Variants in DLG2 observed in about 807,000 individuals in gnomAD.
DLG2 encodes discs large MAGUK scaffold protein 2, also known as disks large homolog 2.
Under a neutral mutation model 132.5 loss-of-function variants are expected in DLG2, and 45 were observed. That is an observed-to-expected ratio of 0.34 (90% CI 0.27 to 0.44). The LOEUF is 0.44. DLG2 is among the 20% of genes least tolerant of loss of function. The pLI, the probability that DLG2 is intolerant of heterozygous loss-of-function variation, is 1.00. For synonymous variants in DLG2, 424 were observed against 419.6 expected (o/e 1.01, Z -0.13); for missense variants, 1,045 against 1,196.9 (o/e 0.87, Z 1.87).
intron 14 of DLG2, among the ~76,000 whole-genome samples, chr11:83,940,982 T>A (rs1190399698): frequency 6.6e-6 from 1 of 152,258 alleles, no homozygotes; most frequent in Non-Finnish European, 1.5e-5. Context: ...TCTCTTGTCA[T>A]GTCTGTGGAT....
intron 2 of DLG2, among the ~76,000 whole-genome samples, chr11:85,612,400 A>C (rs1411331359): frequency 6.6e-6 from 1 of 152,234 alleles, no homozygotes; most frequent in Admixed American, 6.5e-5. Flanking sequence ...GGAAACAAAG[A>C]CACAATGGAT....
intron 8 of DLG2, among the ~76,000 whole-genome samples, chr11:84,228,025 T>A (rs566105243): frequency 2.6e-5 from 4 of 152,160 alleles, no homozygotes; most frequent in Non-Finnish European, 5.9e-5. Flanking sequence ...TATCTGATTA[T>A]CTGGTGTTAG....
At chr11:84,262,534 C>CT (rs932091102) in intron 7 of DLG2, among the ~76,000 whole-genome samples, 3 of 151,986 alleles carry the variant, frequency 2.0e-5, no homozygotes, top group African/African-American at 7.3e-5. Context: ...CCATAATCAT[C>CT]TTTTTTTTCA....
intron 18 of DLG2, among the ~76,000 whole-genome samples, chr11:83,722,558 C>A (rs1372664174): frequency 1.3e-5 from 2 of 152,060 alleles, no homozygotes; most frequent in East Asian, 3.9e-4. Flanking sequence ...CCTCCAGAGG[C>A]GGGGTGGGGA....
At chr11:84,580,206 G>C (rs1305901763) in intron 6 of DLG2, among the ~76,000 whole-genome samples, 1 of 152,170 alleles carries the variant, frequency 6.6e-6, no homozygotes, top group Non-Finnish European at 1.5e-5. Context: ...GTAATATGCT[G>C]TGGGTTTCAT....
chr11:85,432,639 C>A (rs766621140), intron 3 of DLG2, among the ~76,000 whole-genome samples: 1 of 151,842 alleles, frequency 6.6e-6, no homozygotes, highest in Admixed American at 6.6e-5. Context: ...TGAAAATGAA[C>A]AAACCAAACC....
intron 6 of DLG2, among the ~76,000 whole-genome samples, chr11:84,700,547 A>G (rs1424167214): frequency 1.3e-5 from 2 of 151,682 alleles, no homozygotes; most frequent in East Asian, 1.9e-4. Context: ...ATTCAAACAT[A>G]ACATCAAGAA....
chr11:85,440,850 G>A lies in DLG2; in HGVS notation c.41-155485C>T, dbSNP rs770200179. On this transcript the variant is annotated intron_variant, in intron 3 of 27. Coordinates refer to ENST00000376104, the MANE Select transcript of DLG2 (RefSeq NM_001142699.3). ...GGTGTTATAAATTCCATGAAACATG[G>A]GGCCTAGGCAACCCTATGAAGTAGA... Among the ~76,000 whole-genome samples, 3 of 152,054 alleles carry A rather than the reference G, an allele frequency of 2.0e-5. No individual in the cohort carries two copies. The South Asian group carries it at 6.2e-4, about 32-fold the overall frequency.
intron 7 of DLG2, among the ~76,000 whole-genome samples, chr11:84,352,783 G>A (rs972662204): frequency 6.6e-6 from 1 of 152,166 alleles, no homozygotes; most frequent in African/African-American, 2.4e-5. Context: ...CAGACAATGT[G>A]GAACTTTATG....
intron 3 of DLG2, among the ~76,000 whole-genome samples, chr11:85,412,760 C>CACACACACATATATATAT (rs756868795): frequency 6.2e-5 from 7 of 113,270 alleles, no homozygotes; most frequent in African/African-American, 2.6e-4. Flanking sequence ...CACACACACA[C>CACACACACATATATATAT]ATATATATAT....
intron 2 of DLG2, among the ~76,000 whole-genome samples, chr11:85,605,880 G>A (rs1343440969): frequency 6.6e-6 from 1 of 152,116 alleles, no homozygotes; most frequent in Non-Finnish European, 1.5e-5. Context: ...TTGGGAGGCT[G>A]AGGCAGGAAA....
intron 6 of DLG2, among the ~76,000 whole-genome samples, chr11:84,756,033 G>T (rs2066834721): frequency 6.6e-6 from 1 of 152,120 alleles, no homozygotes; most frequent in Non-Finnish European, 1.5e-5. Flanking sequence ...AGGAAACATG[G>T]TGGTCAAGGT....
intron 8 of DLG2, among the ~76,000 whole-genome samples, chr11:84,241,586 G>A (rs1444282996): frequency 6.6e-6 from 1 of 151,680 alleles, no homozygotes. Flanking sequence ...AAGGTCCCAA[G>A]TGATTCAAAA....
intron 6 of DLG2, among the ~76,000 whole-genome samples, chr11:84,960,438 A>G (rs1442803527): frequency 1.3e-5 from 2 of 149,126 alleles, no homozygotes; most frequent in Non-Finnish European, 3.0e-5. Flanking sequence ...AATTCTTTTA[A>G]CTTTTTTTTT....
rs577990426 is a variant in DLG2, at chr11:83,870,687, C to T, written c.1565+3733G>A. Among the ~76,000 whole-genome samples, 5 of 152,224 alleles carry T rather than the reference C, an allele frequency of 3.3e-5. No individual in the cohort carries two copies. In the South Asian group the frequency reaches 1.0e-3, roughly 32 times the overall value. ...TGATTCAATTTTTTCTGAGAAGAAG[C>T]TTCTTTTTTTTGGTATTCAGCGGTG... On this transcript the variant is annotated intron_variant, in intron 16 of 27. Coordinates refer to ENST00000376104, the MANE Select transcript of DLG2 (RefSeq NM_001142699.3).
intron 6 of DLG2, among the ~76,000 whole-genome samples, chr11:84,803,943 C>A (rs1043092938): frequency 6.6e-6 from 1 of 152,128 alleles, no homozygotes. Context: ...TAAATGATCA[C>A]ACAGGTACAG....
chr11:84,732,450 T>C (rs1308333569), intron 6 of DLG2, among the ~76,000 whole-genome samples: 4 of 152,048 alleles, frequency 2.6e-5, no homozygotes, highest in Non-Finnish European at 4.4e-5. Flanking sequence ...ATTTTCACTG[T>C]AGCCATTCTA....
At chr11:84,164,780 T>G (rs767078487) in intron 8 of DLG2, among the ~76,000 whole-genome samples, 1 of 152,236 alleles carries the variant, frequency 6.6e-6, no homozygotes, top group East Asian at 1.9e-4. Flanking sequence ...CTTAGGTGTG[T>G]CCACCACCCA....
intron 23 of DLG2, among the ~76,000 whole-genome samples, chr11:83,471,960 G>T (rs979496640): frequency 1.4e-5 from 2 of 148,114 alleles, no homozygotes; most frequent in Non-Finnish European, 3.0e-5. Flanking sequence ...TGCAGTATCT[G>T]TTGATGAAAA....
Sources: allele counts gnomAD v4.1 joint callset (sites outside exome capture counted in the v4.1 genomes callset), GRCh38; gene constraint gnomAD v4.1.1; transcripts MANE v1.5; gene names NCBI Gene and HGNC (gene_info 2026-07-23, HGNC 2026-07-21).